The following KCNG2 variants were observed in gnomAD, a reference collection of about 807,000 sequenced individuals.
The protein encoded by KCNG2 is voltage-gated potassium channel regulatory subunit KCNG2.
A neutral mutation model predicts 12.3 loss-of-function variants in KCNG2; 7 were observed. The observed-to-expected ratio is 0.57, with a 90% CI of 0.32 to 1.07. KCNG2 has a LOEUF of 1.07. Ranked by LOEUF, KCNG2 falls within the 50% of genes least tolerant of loss-of-function variation. KCNG2 has a pLI of 0.04. For missense variants in KCNG2, 703 were observed against 726.0 expected (o/e 0.97, Z 0.36); for synonymous variants, 414 against 351.4 (o/e 1.18, Z -1.99).
chr18:79,885,200 C>T (rs1455265561), intron 3 of KCNG2, among the ~76,000 whole-genome samples: 1 of 152,040 alleles, frequency 6.6e-6, no homozygotes, highest in Non-Finnish European at 1.5e-5. Flanking sequence ...GGCCCTGGCA[C>T]CCCACAGAAA....
chr18:79,899,181 A>G lies in KCNG2; in HGVS notation c.766A>G (p.Ile256Val), dbSNP rs372774504. 2 of 1,604,970 alleles carry G rather than the reference A, an allele frequency of 1.2e-6. No homozygotes were observed. The highest frequency in any genetic ancestry group is 1.3e-5 in the African/African-American group (1 of 74,834). ...GCGCGCGCCACTCAACATCATTGAC[A>G]TCCTGGCGCTCCTGCCGTTCTACGT... is the stretch of plus-strand genomic sequence containing the variant. ...FLRAPLNIID[I>V]LALLPFYVSL... Residue 256 changes from isoleucine (I) to valine (V), a missense_variant, in exon 4 of 4, where the codon ATC (isoleucine) becomes GTC (valine). Transcript: ENST00000316249.
At position 79,863,856 on chromosome 18, in the gene KCNG2, C is replaced by T. The variant is rs1468652867; in HGVS notation, c.189C>T (p.Asp63=). 1.4e-6 allele frequency: 2 copies of T among 1,468,296 alleles called. No homozygotes were observed. The highest frequency in any genetic ancestry group is 1.3e-5 in the South Asian group (1 of 79,504). 91.0% of individuals were successfully genotyped at this position (1,468,296 alleles called of 1,614,324 possible). The change falls in exon 3 of 4, where the codon GAC becomes GAT. Residue 63 remains aspartate, a synonymous_variant. Coordinates refer to ENST00000316249, the MANE Select transcript of KCNG2 (RefSeq NM_012283.2). ...DDLLRVCDDY[D]VSRDEFFFDR... ...TGCTGCGCGTGTGTGACGACTACGA[C>T]GTGAGCCGCGACGAGTTCTTCTTCG... is the stretch of plus-strand genomic sequence containing the variant.
At chr18:79,826,697 A>G (rs1374476797) in intron 1 of KCNG2, among the ~76,000 whole-genome samples, 1 of 147,212 alleles carries the variant, frequency 6.8e-6, no homozygotes. Context: ...CTCCTCACGG[A>G]AGGTTAGTTC....
chr18:79,826,179 C>G (rs1397336720), intron 1 of KCNG2, among the ~76,000 whole-genome samples: 3 of 151,766 alleles, frequency 2.0e-5, no homozygotes, highest in Non-Finnish European at 4.4e-5. Context: ...GGTAGTCGAG[C>G]TGAAACTGTG....
chr18:79,819,271 C>T (rs917182233), intron 1 of KCNG2, among the ~76,000 whole-genome samples: 7 of 152,220 alleles, frequency 4.6e-5, no homozygotes, highest in African/African-American at 1.4e-4. Flanking sequence ...CAGGACACCA[C>T]GGAGCAGCTC....
intron 3 of KCNG2, among the ~76,000 whole-genome samples, chr18:79,887,873 G>A (rs1031665035): frequency 2.0e-5 from 3 of 152,138 alleles, no homozygotes; most frequent in South Asian, 2.1e-4. Flanking sequence ...CTTGAATGTC[G>A]ATCAAGACTT....
intron 1 of KCNG2, among the ~76,000 whole-genome samples, chr18:79,805,401 C>T (rs1180033855): frequency 1.3e-5 from 2 of 152,236 alleles, no homozygotes; most frequent in African/African-American, 4.8e-5. Context: ...CGGGATGAGG[C>T]CGGCACCTGC....
intron 1 of KCNG2, among the ~76,000 whole-genome samples, chr18:79,830,784 G>A (rs1372318279): frequency 6.9e-6 from 1 of 145,122 alleles, no homozygotes; most frequent in African/African-American, 2.6e-5. Context: ...AGGGTTCCCT[G>A]CGGACAGAGC....
In KCNG2 at chr18:79,864,236, C is replaced by T. The variant is rs769822846; in HGVS notation, c.569C>T (p.Thr190Met). The T allele has an allele frequency of 1.2e-5, 18 of 1,552,056 alleles. No homozygotes were observed. In the Admixed American group the frequency reaches 3.0e-4, roughly 26 times the overall value. The change falls in exon 3 of 4, where the codon ACG (threonine) becomes ATG (methionine). Residue 190 changes from threonine (T) to methionine (M), a missense_variant. By Grantham distance (81) the Thr-to-Met change is moderately conservative (BLOSUM62 -1). Transcript: ENST00000316249. ...GTGTCCGTGTCCTTCGTGGCCGTCA[C>T]GGCCGTGGGCCTCTGCCTGAGCACC... is the stretch of plus-strand genomic sequence containing the variant. ...ACVSVSFVAV[T>M]AVGLCLSTMP... is the part of the protein sequence containing the mutation.
At chr18:79,880,781 A>G (rs1980265165) in intron 3 of KCNG2, among the ~76,000 whole-genome samples, 1 of 152,262 alleles carries the variant, frequency 6.6e-6, no homozygotes, top group African/African-American at 2.4e-5. Context: ...CAGGAAAGCA[A>G]GCTTGGTTCG....
At chr18:79,868,541 A>G (rs1208726838) in intron 3 of KCNG2, among the ~76,000 whole-genome samples, 2 of 152,092 alleles carry the variant, frequency 1.3e-5, no homozygotes, top group Non-Finnish European at 2.9e-5. Flanking sequence ...GGTGGTTCTC[A>G]CTCCTGTCCT....
chr18:79,865,214 T>C (rs1410087903), intron 3 of KCNG2, among the ~76,000 whole-genome samples: 5 of 130,024 alleles, frequency 3.8e-5, no homozygotes, highest in African/African-American at 1.5e-4. Flanking sequence ...TGCTGAGAGG[T>C]CTGTGCTGAG....
chr18:79,812,380 A>C (rs777115242), intron 1 of KCNG2, among the ~76,000 whole-genome samples: 1 of 152,218 alleles, frequency 6.6e-6, no homozygotes, highest in Non-Finnish European at 1.5e-5. Context: ...TTAATTCTTA[A>C]AAAGTCCTGA....
intron 1 of KCNG2, among the ~76,000 whole-genome samples, chr18:79,823,577 C>A (rs77264898): frequency 0.01 from 1,527 of 152,184 alleles, 6 homozygotes; most frequent in Non-Finnish European, 0.015. Flanking sequence ...GTTTTCCATA[C>A]GTGTGAGAGT....
chr18:79,875,487 T>C (rs1170153090), intron 3 of KCNG2, among the ~76,000 whole-genome samples: 33 of 152,350 alleles, frequency 2.2e-4, no homozygotes, highest in Non-Finnish European at 1.5e-5. Flanking sequence ...GGCTCCTGTG[T>C]CAGTAAAACT....
chr18:79,842,322 C>T (rs1031257552), intron 1 of KCNG2, among the ~76,000 whole-genome samples: 4 of 152,200 alleles, frequency 2.6e-5, no homozygotes, highest in Admixed American at 1.3e-4. Flanking sequence ...ATGGAAGCAC[C>T]CTTGCCCAGA....
chr18:79,835,487 A>G (rs1454336433), intron 1 of KCNG2, among the ~76,000 whole-genome samples: 1 of 152,230 alleles, frequency 6.6e-6, no homozygotes, highest in East Asian at 1.9e-4. Context: ...GAAGATATAA[A>G]ATAAAACCAA....
At chr18:79,864,466 C>G (rs1979377655) in intron 3 of KCNG2, among the ~76,000 whole-genome samples, 175 bp downstream of exon 3, 1 of 151,970 alleles carries the variant, frequency 6.6e-6, no homozygotes, top group South Asian at 2.1e-4. Flanking sequence ...GGCGGCCGGG[C>G]TGAGGGAGCG....
chr18:79,857,496 T>G (rs147285478), intron 2 of KCNG2, among the ~76,000 whole-genome samples: 1 of 151,986 alleles, frequency 6.6e-6, no homozygotes, highest in East Asian at 1.9e-4. Flanking sequence ...CCCCCTAAAA[T>G]CTCTAATGAA....
Sources: gnomAD v4.1 joint callset for allele counts (sites outside exome capture counted in the v4.1 genomes callset) on GRCh38, gnomAD v4.1.1 for gene constraint, MANE v1.5 for transcripts, NCBI Gene and HGNC (gene_info 2026-07-23, HGNC 2026-07-21) for gene names.